MAPKAP1: variants seen among roughly 807,000 people sequenced by gnomAD.
MAPKAP1 encodes target of rapamycin complex 2 subunit MAPKAP1.
MAPKAP1 carries 20 observed loss-of-function variants against 65.7 expected under a neutral mutation model. The observed-to-expected ratio is 0.30, with a 90% CI of 0.21 to 0.44. The LOEUF is 0.44. MAPKAP1 is among the 20% of genes least tolerant of loss of function. MAPKAP1 has a pLI of 1.00. For missense variants in MAPKAP1, 423 were observed against 648.0 expected (o/e 0.65, Z 3.77); for synonymous variants, 222 against 244.3 (o/e 0.91, Z 0.85).
chr9:125,531,204 G>A (rs970506169), intron 7 of MAPKAP1, among the ~76,000 whole-genome samples: 11 of 152,272 alleles, frequency 7.2e-5, no homozygotes, highest in Admixed American at 5.9e-4. Flanking sequence ...CGTGGGCCCC[G>A]TAACCTTATC....
chr9:125,545,888 T>C (rs1830407625), intron 6 of MAPKAP1, among the ~76,000 whole-genome samples: 1 of 152,216 alleles, frequency 6.6e-6, no homozygotes, highest in East Asian at 1.9e-4. Context: ...GAATAAAGGA[T>C]TACCTTCTGT....
At chr9:125,471,787 T>G (rs1011315841) in intron 9 of MAPKAP1, 3 of 152,366 alleles carry the variant, frequency 2.0e-5, no homozygotes, top group African/African-American at 7.2e-5. Context: ...GTAGGCTCAC[T>G]GCCGTTTCTG....
intron 3 of MAPKAP1, among the ~76,000 whole-genome samples, chr9:125,663,231 C>T (rs891436525): frequency 6.6e-6 from 1 of 152,238 alleles, no homozygotes; most frequent in African/African-American, 2.4e-5. Context: ...GCTTACTGTG[C>T]TCTAACCAAC....
intron 10 of MAPKAP1, among the ~76,000 whole-genome samples, chr9:125,450,319 G>A (rs1329709397): frequency 6.6e-6 from 1 of 152,140 alleles, no homozygotes; most frequent in African/African-American, 2.4e-5. Flanking sequence ...AGAAGACAGA[G>A]GAGAACCTCC....
At chr9:125,693,992 AC>A (rs1835310486) in intron 1 of MAPKAP1, among the ~76,000 whole-genome samples, 2 of 151,384 alleles carry the variant, frequency 1.3e-5, no homozygotes, top group Admixed American at 1.3e-4. Context: ...CTATAGCAAG[AC>A]CCCTTCTCTG....
In MAPKAP1 at chr9:125,505,977, G is replaced by C. The variant is rs547657943; in HGVS notation, c.1066+333C>G. ...TGATGTCTGAATAGTGATACTGACAGGGCCAGCTGCTTTATATACAAAATA... is the reference window on the plus strand; with the variant it reads ...TGATGTCTGAATAGTGATACTGACACGGCCAGCTGCTTTATATACAAAATA... On this transcript the variant is annotated intron_variant, in intron 8 of 11. Coordinates refer to ENST00000265960, the MANE Select transcript of MAPKAP1 (RefSeq NM_001006617.3). 92 of 318,972 alleles carry C rather than the reference G, an allele frequency of 2.9e-4. 1 individual carries two copies. The South Asian group carries it at 3.4e-3, about 12-fold the overall frequency. The allele number at this position is 318,972 out of a possible 1,614,324, so 19.8% of individuals were successfully genotyped here.
At chr9:125,449,118 ATTCTGT>A (rs1852839645) in intron 10 of MAPKAP1, among the ~76,000 whole-genome samples, 1 of 152,214 alleles carries the variant, frequency 6.6e-6, no homozygotes, top group East Asian at 1.9e-4. Context: ...TAATTGTTAA[ATTCTGT>A]TTAAATTAAG....
intron 1 of MAPKAP1, among the ~76,000 whole-genome samples, chr9:125,687,543 G>A (rs2131838100): frequency 6.6e-6 from 1 of 151,674 alleles, no homozygotes; most frequent in South Asian, 2.1e-4. Context: ...TTGAGAGGCA[G>A]AGACAGAAGA....
chr9:125,594,088 C>G (rs1832052755), intron 4 of MAPKAP1, among the ~76,000 whole-genome samples: 1 of 152,214 alleles, frequency 6.6e-6, no homozygotes, highest in African/African-American at 2.4e-5. Context: ...CTCTCTCCTT[C>G]CCATGCTTAT....
intron 1 of MAPKAP1, chr9:125,696,397 C>G (rs1364993361): frequency 1.4e-5 from 2 of 138,874 alleles, no homozygotes; most frequent in Non-Finnish European, 3.1e-5. Context: ...GTCAATAGAG[C>G]AAGAACCCTG....
At chr9:125,676,411 TGTG>T (rs1275878286) in intron 1 of MAPKAP1, among the ~76,000 whole-genome samples, 1 of 152,134 alleles carries the variant, frequency 6.6e-6, no homozygotes, top group Non-Finnish European at 1.5e-5. Flanking sequence ...GTGAACAAAA[TGTG>T]GTATATAACG....
chr9:125,616,764 T>C (rs759753149), intron 4 of MAPKAP1, among the ~76,000 whole-genome samples: 30 of 152,180 alleles, frequency 2.0e-4, no homozygotes, highest in Non-Finnish European at 3.5e-4. Flanking sequence ...AGTTTGGCAT[T>C]ATCTATAAGC....
At chr9:125,477,223 T>G (rs1351752805) in intron 9 of MAPKAP1, among the ~76,000 whole-genome samples, 3 of 152,214 alleles carry the variant, frequency 2.0e-5, no homozygotes, top group Admixed American at 6.5e-5. Context: ...AGGATGGAAT[T>G]CATGGTATCT....
In MAPKAP1 at chr9:125,521,380, TC is replaced by T. The variant is rs1270865431; in HGVS notation, c.959-14964del. ...TGTCCCTAAGAATCCAATTTTTCAA[TC>T]CAATCTGTTTCTCTTAACTTGAGTC... is the stretch of plus-strand genomic sequence containing the variant. On this transcript the variant is annotated intron_variant, in intron 7 of 11. Transcript: ENST00000265960. The T allele has an allele frequency of 1.5e-5, 11 of 747,908 alleles. 1 individual carries two copies. The East Asian group carries it at 8.3e-4, about 57-fold the overall frequency. The allele number at this position is 747,908 out of a possible 1,614,324, so 46.3% of individuals were successfully genotyped here. A position where few individuals can be genotyped will look rare whatever the true frequency, so the allele number is the denominator to read the frequency against.
At chr9:125,660,659 T>C (rs1228837224) in intron 3 of MAPKAP1, among the ~76,000 whole-genome samples, 1 of 152,212 alleles carries the variant, frequency 6.6e-6, no homozygotes, top group Non-Finnish European at 1.5e-5. Context: ...CCTCAGTTAA[T>C]GGCAATTCAG....
intron 8 of MAPKAP1, among the ~76,000 whole-genome samples, chr9:125,498,584 AAAAG>A (rs1206165835): frequency 6.6e-6 from 1 of 152,234 alleles, no homozygotes; most frequent in East Asian, 1.9e-4. Flanking sequence ...AAATAAATAA[AAAAG>A]AAATAACAAA....
chr9:125,572,805 T>C (rs1187695559), intron 5 of MAPKAP1: 3 of 152,258 alleles, frequency 2.0e-5, no homozygotes, highest in Non-Finnish European at 4.4e-5. Context: ...TTTACTCTTG[T>C]GGAATATACT....
chr9:125,563,410 T>C (rs1189334359), intron 5 of MAPKAP1, among the ~76,000 whole-genome samples: 2 of 152,194 alleles, frequency 1.3e-5, no homozygotes, highest in Non-Finnish European at 2.9e-5. Flanking sequence ...CATTTTCTTA[T>C]CGGAAAAACA....
intron 8 of MAPKAP1, among the ~76,000 whole-genome samples, chr9:125,500,678 G>A (rs115597966): frequency 0.01 from 1,564 of 152,308 alleles, 35 homozygotes; most frequent in African/African-American, 0.035. Flanking sequence ...GGAATTAGGG[G>A]ATGGAAGAAG....
Sources: allele counts gnomAD v4.1 joint callset (sites outside exome capture counted in the v4.1 genomes callset), GRCh38; gene constraint gnomAD v4.1.1; transcripts MANE v1.5; gene names NCBI Gene and HGNC (gene_info 2026-07-23, HGNC 2026-07-21).